APLP2: variants seen among roughly 807,000 people sequenced by gnomAD.
APLP2 encodes the protein CDEI box-binding protein.
In APLP2, 53 loss-of-function variants were observed where a neutral mutation model predicts 89.9. The ratio of observed to expected loss-of-function variants is 0.59; its 90% CI spans 0.47 to 0.74. The LOEUF is 0.74. Among genes scored for constraint, APLP2 ranks in the 30% least tolerant of loss-of-function variants. APLP2 has a pLI of 0.00. For missense variants in APLP2, 973 were observed against 975.9 expected (o/e 1.00, Z 0.04); for synonymous variants, 372 against 348.6 (o/e 1.07, Z -0.75).
chr11:130,139,493 AT>A (rs1245016702), intron 13 of APLP2: 4 of 152,360 alleles, frequency 2.6e-5, no homozygotes, highest in African/African-American at 9.6e-5. Context: ...TGAATAAGGA[AT>A]TCTTATGATA....
chr11:130,070,253 G>C (rs1940651722), intron 1 of APLP2, among the ~76,000 whole-genome samples, 171 bp downstream of exon 1: 1 of 151,016 alleles, frequency 6.6e-6, no homozygotes, highest in East Asian at 1.9e-4. Context: ...TTGGCGCAGT[G>C]CTTAGCGCTG....
intron 2 of APLP2, 25 bp from the exon 3 acceptor site, chr11:130,110,513 G>T: frequency 6.2e-7 from 1 of 1,609,698 alleles, no homozygotes; most frequent in Non-Finnish European, 8.5e-7. Context: ...TTGATTTATT[G>T]TGTGTGTGTT....
rs762383017 is a variant in APLP2 at position 130,144,049 on chromosome 11, C to G, written c.*601C>G. ...AGTCCAGTGTTTCCACGGCTGGATA[C>G]CTGTGTGTCTCCATAAAAGTCCTGT... On this transcript the variant is annotated 3_prime_UTR_variant, in exon 17 of 17. Transcript: ENST00000338167. 1.3e-5 allele frequency: 2 copies of G among 152,914 alleles called. No individual in the cohort carries two copies. The highest frequency in any genetic ancestry group is 2.9e-5 in the Non-Finnish European group (2 of 68,656). 9.5% of individuals were successfully genotyped at this position (152,914 alleles called of 1,614,324 possible). A position where few individuals can be genotyped will look rare whatever the true frequency, so the allele number is the denominator to read the frequency against.
Position 130,109,417 on chromosome 11 carries a change from TC to T in APLP2, c.106-9del. On this transcript the variant is annotated splice_polypyrimidine_tract_variant and intron_variant, in intron 1 of 16. Coordinates refer to ENST00000338167, the MANE Select transcript of APLP2 (RefSeq NM_001142276.2). ...TCTTGGAGTAAACCTGCAATTTTTT[TC>T]CCTTTGGTAGGCTCTTGCAGCCAAT... 6.2e-7 allele frequency: 1 copy of T among 1,604,560 alleles called. No homozygotes were observed. The highest frequency in any genetic ancestry group is 8.5e-7 in the Non-Finnish European group (1 of 1,175,836).
At chr11:130,075,927 A>G (rs1386660808) in intron 1 of APLP2, among the ~76,000 whole-genome samples, 1 of 152,234 alleles carries the variant, frequency 6.6e-6, no homozygotes. Context: ...GTGATATATT[A>G]TGAACCATTG....
intron 1 of APLP2, among the ~76,000 whole-genome samples, chr11:130,072,966 AT>A (rs1941411493): frequency 6.6e-6 from 1 of 152,076 alleles, no homozygotes; most frequent in South Asian, 2.1e-4. Context: ...TGAGGAGTGA[AT>A]TTTTCATTTT....
At chr11:130,124,093 G>C (rs1950129328) in intron 7 of APLP2, among the ~76,000 whole-genome samples, 1 of 152,100 alleles carries the variant, frequency 6.6e-6, no homozygotes, top group Non-Finnish European at 1.5e-5. Context: ...GAGTCTGCAG[G>C]TCCCCAGGCC....
intron 1 of APLP2, among the ~76,000 whole-genome samples, chr11:130,072,247 G>GAAC (rs1941248965): frequency 1.3e-5 from 2 of 152,220 alleles, no homozygotes; most frequent in African/African-American, 2.4e-5. Flanking sequence ...ATACTGTGCA[G>GAAC]TGGATGACTA....
chr11:130,076,148 C>G (rs1942081881), intron 1 of APLP2, among the ~76,000 whole-genome samples: 1 of 152,188 alleles, frequency 6.6e-6, no homozygotes, highest in Non-Finnish European at 1.5e-5. Context: ...CATCTTGGCT[C>G]ACTGCAACTT....
intron 1 of APLP2, among the ~76,000 whole-genome samples, chr11:130,104,016 C>T (rs1182099766): frequency 6.6e-6 from 1 of 152,042 alleles, no homozygotes; most frequent in Non-Finnish European, 1.5e-5. Flanking sequence ...GGATTTTCTT[C>T]ATTTAATTCT....
chr11:130,123,637 G>T lies in APLP2; in HGVS notation c.948G>T (p.Thr316=). ...VKAVCSQEAM[T]GPCRAVMPRW... ...CTGTCTGCTCCCAGGAGGCGATGAC[G>T]GGGCCCTGCCGGGCCGTGATGCCTC... The change falls in exon 7 of 17, where the codon ACG becomes ACT. Residue 316 remains threonine, a synonymous_variant. Transcript: ENST00000338167. This position sits in a 1 kb window ranked among gnomAD's most constrained non-coding sequence, Gnocchi z 4.0. 1 of 1,614,120 alleles carries T rather than the reference G, an allele frequency of 6.2e-7. No individual in the cohort carries two copies. The highest frequency in any genetic ancestry group is 8.5e-7 in the Non-Finnish European group (1 of 1,180,004).
At chr11:130,091,116 C>T (rs879168482) in intron 1 of APLP2, among the ~76,000 whole-genome samples, 26 of 127,274 alleles carry the variant, frequency 2.0e-4, no homozygotes, top group East Asian at 1.3e-3. Context: ...CCCTCCCGGA[C>T]GGGGCGGCTG....
chr11:130,084,542 A>T (rs888912427), intron 1 of APLP2, among the ~76,000 whole-genome samples: 4 of 152,184 alleles, frequency 2.6e-5, no homozygotes, highest in African/African-American at 9.6e-5. Flanking sequence ...TGCTGGCTTC[A>T]TGGGTGGAAA....
rs1950052902 is a variant in APLP2, at chr11:130,123,522, GC to G, written c.923-87del. ...TCCGTCCAGTCTCAGGCCTCCCCCA[GC>G]CCATCCCCCAGCTCGCCAGCCTGTA... On this transcript the variant is annotated intron_variant, in intron 6 of 16. Coordinates refer to ENST00000338167, the MANE Select transcript of APLP2 (RefSeq NM_001142276.2). The surrounding 1 kb of genome is among the most constrained non-coding windows in gnomAD (Gnocchi z 4.0). 1 of 1,405,434 alleles carries G rather than the reference GC, an allele frequency of 7.1e-7. No homozygotes were observed. Among genetic ancestry groups the G allele is most frequent in the African/African-American group, 1.4e-5 (1 of 70,400 alleles). The allele number at this position is 1,405,434 out of a possible 1,614,324, so 87.1% of individuals were successfully genotyped here. A position where few individuals can be genotyped will look rare whatever the true frequency, so the allele number is the denominator to read the frequency against.
chr11:130,106,781 C>T (rs973316374), intron 1 of APLP2, among the ~76,000 whole-genome samples: 8 of 152,096 alleles, frequency 5.3e-5, no homozygotes, highest in Middle Eastern at 3.2e-3. Context: ...CTCTGCCTCC[C>T]GGGTTCAAGC....
At position 130,122,374 on chromosome 11, in the gene APLP2, GGAA is replaced by G; in HGVS notation, c.788_790del (p.Glu263del). 1 of 1,614,142 alleles carries G rather than the reference GGAA, an allele frequency of 6.2e-7. No homozygotes were observed. Among genetic ancestry groups the G allele is most frequent in the East Asian group, 2.2e-5 (1 of 44,882 alleles). ...CTGTGGATGAGGATGATGAGGATGAGGAAGAAGGGGAGGAAGTGGTGGAGGACC... is the reference window on the plus strand; with the variant it reads ...CTGTGGATGAGGATGATGAGGATGAGGAAGGGGAGGAAGTGGTGGAGGACC... On this transcript the variant is annotated inframe_deletion, in exon 6 of 17. Coordinates refer to ENST00000338167, the MANE Select transcript of APLP2 (RefSeq NM_001142276.2).
rs760631736 is a variant in APLP2, at chr11:130,126,830, G to A, written c.1221G>A (p.Arg407=). The part of the protein sequence containing the change: ...LEIRHRNRMD[R]VKKEWEEAEL... ...TTCGGCACCGCAACCGAATGGACAG[G>A]GTAAACCTTGACAATTTCTTCATCT... is the stretch of plus-strand genomic sequence containing the variant. Residue 407 remains arginine, a splice_region_variant and synonymous_variant, in exon 8 of 17, where the codon AGG becomes AGA. Transcript: ENST00000338167. 9 of 1,614,082 alleles carry A rather than the reference G, an allele frequency of 5.6e-6. No individual in the cohort carries two copies. The highest frequency in any genetic ancestry group is 7.6e-6 in the Non-Finnish European group (9 of 1,179,958).
At chr11:130,103,984 T>G (rs893239671) in intron 1 of APLP2, among the ~76,000 whole-genome samples, 1 of 152,202 alleles carries the variant, frequency 6.6e-6, no homozygotes, top group Non-Finnish European at 1.5e-5. Context: ...GCTTTTCATA[T>G]ACGTATTTAT....
chr11:130,088,147 G>A (rs1944395976), intron 1 of APLP2, among the ~76,000 whole-genome samples: 1 of 152,110 alleles, frequency 6.6e-6, no homozygotes, highest in African/African-American at 2.4e-5. Flanking sequence ...GAATTCAGAT[G>A]GCCCCAAAAT....
Sources: allele counts gnomAD v4.1 joint callset (sites outside exome capture counted in the v4.1 genomes callset), GRCh38; gene constraint gnomAD v4.1.1; non-coding constraint Gnocchi (gnomAD v3.1); transcripts MANE v1.5; gene names NCBI Gene and HGNC (gene_info 2026-07-23, HGNC 2026-07-21).